The following ZSWIM6 variants were observed in gnomAD, a reference collection of about 807,000 sequenced individuals.
ZSWIM6 encodes zinc finger SWIM domain-containing protein 6.
ZSWIM6 carries 9 observed loss-of-function variants against 113.2 expected under a neutral mutation model. The ratio of observed to expected loss-of-function variants is 0.08; its 90% CI spans 0.05 to 0.14. The LOEUF is 0.14. Ranked by LOEUF, ZSWIM6 falls within the 10% of genes least tolerant of loss-of-function variation. The probability of loss-of-function intolerance (pLI) is 1.00; values close to 1 mark genes in which losing one functional copy is unlikely to be tolerated. For synonymous variants in ZSWIM6, 611 were observed against 606.5 expected, an observed-to-expected ratio of 1.01 and a Z score of -0.11; for missense variants, 1,162 against 1,552.2, an observed-to-expected ratio of 0.75 and a Z score of 4.22.
intron 2 of ZSWIM6, among the ~76,000 whole-genome samples, chr5:61,474,129 T>G (rs1413028460): frequency 1.3e-5 from 2 of 152,250 alleles, no homozygotes; most frequent in Non-Finnish European, 2.9e-5. Flanking sequence ...TGGTAACCAC[T>G]GCCTAGTTTT....
At chr5:61,491,635 A>G (rs571404591) in intron 3 of ZSWIM6, among the ~76,000 whole-genome samples, 3 of 152,212 alleles carry the variant, frequency 2.0e-5, no homozygotes, top group South Asian at 4.1e-4. Flanking sequence ...TTTCAGTACC[A>G]TACACACATT....
At chr5:61,386,401 C>T (rs1413696467) in intron 1 of ZSWIM6, among the ~76,000 whole-genome samples, 2 of 152,160 alleles carry the variant, frequency 1.3e-5, no homozygotes, top group African/African-American at 2.4e-5. Flanking sequence ...GATTGCAAAG[C>T]TTTTTGGAGC....
chr5:61,487,291 A>G (rs574689272), intron 2 of ZSWIM6, among the ~76,000 whole-genome samples: 2 of 152,098 alleles, frequency 1.3e-5, no homozygotes, highest in African/African-American at 4.8e-5. Flanking sequence ...TTTGGTTACT[A>G]TAGGCTTGTA....
At chr5:61,524,182 C>T (rs142207007) in intron 5 of ZSWIM6, among the ~76,000 whole-genome samples, 3 of 152,310 alleles carry the variant, frequency 2.0e-5, no homozygotes, top group East Asian at 3.9e-4. Context: ...TGAGAGGTCA[C>T]GGAACCAATT....
chr5:61,528,641 G>A (rs530299969), intron 7 of ZSWIM6, among the ~76,000 whole-genome samples: 6 of 150,854 alleles, frequency 4.0e-5, no homozygotes, highest in South Asian at 2.1e-4. Flanking sequence ...AGGCTGGAGT[G>A]CAGTGGCGCA....
intron 1 of ZSWIM6, among the ~76,000 whole-genome samples, chr5:61,456,995 G>C (rs957080714): frequency 2.7e-5 from 4 of 150,806 alleles, no homozygotes; most frequent in African/African-American, 7.3e-5. Context: ...ATGCTGGTGC[G>C]CTGCACCCAC....
chr5:61,541,190 G>A lies in ZSWIM6; in HGVS notation c.2704-694G>A, dbSNP rs538626227. 5.3e-5 allele frequency among the ~76,000 whole-genome samples: 8 copies of A among 152,024 alleles called. 1 individual carries two copies. Among genetic ancestry groups the A allele is most frequent in the African/African-American group, 1.2e-4 (5 of 41,490 alleles). On this transcript the variant is annotated intron_variant, in intron 12 of 13. Coordinates refer to ENST00000252744, the MANE Select transcript of ZSWIM6 (RefSeq NM_020928.2). ...AACTCCTGACCTCGTGATCCATTCC[G>A]CCTCAGCCTCCCAAATTGCCAGGAT...
At position 61,541,868 on chromosome 5, in the gene ZSWIM6, T is replaced by C; in HGVS notation, c.2704-16T>C. On this transcript the variant is annotated splice_polypyrimidine_tract_variant and intron_variant, in intron 12 of 13. Transcript: ENST00000252744. ...AGGATAATTTTCTAAAACATTTTGT[T>C]ACCCTGTTTTTATAGGTTATGCGAA... The C allele has an allele frequency of 6.5e-7, 1 of 1,546,648 alleles. No individual in the cohort carries two copies. Among genetic ancestry groups the C allele is most frequent in the East Asian group, 2.4e-5 (1 of 40,854 alleles).
At chr5:61,346,543 G>A (rs1040324844) in intron 1 of ZSWIM6, among the ~76,000 whole-genome samples, 3 of 152,184 alleles carry the variant, frequency 2.0e-5, no homozygotes, top group African/African-American at 7.2e-5. Flanking sequence ...TAGTGGGTAA[G>A]AGACTACCTT....
At chr5:61,373,499 T>C (rs1228495208) in intron 1 of ZSWIM6, among the ~76,000 whole-genome samples, 1 of 151,640 alleles carries the variant, frequency 6.6e-6, no homozygotes, top group Non-Finnish European at 1.5e-5. Flanking sequence ...AAATGAATCC[T>C]TTCTTCATCA....
chr5:61,512,585 G>T (rs1372657698), intron 4 of ZSWIM6, among the ~76,000 whole-genome samples: 3 of 152,126 alleles, frequency 2.0e-5, no homozygotes, highest in African/African-American at 7.2e-5. Context: ...TCTTCAAACA[G>T]CAATTTATGA....
At chr5:61,475,241 A>G (rs1279533478) in intron 2 of ZSWIM6, among the ~76,000 whole-genome samples, 4 of 152,142 alleles carry the variant, frequency 2.6e-5, no homozygotes, top group African/African-American at 9.7e-5. Context: ...ATCTGCTAGC[A>G]TCACTTTGTT....
At chr5:61,425,909 G>C (rs748238889) in intron 1 of ZSWIM6, among the ~76,000 whole-genome samples, 4 of 152,178 alleles carry the variant, frequency 2.6e-5, no homozygotes, top group Non-Finnish European at 5.9e-5. Context: ...AACTTCGAAC[G>C]TTATGTTCAT....
chr5:61,525,075 ATACAC>A, intron 5 of ZSWIM6, among the ~76,000 whole-genome samples: 1 of 152,280 alleles, frequency 6.6e-6, no homozygotes, highest in Admixed American at 6.5e-5. Context: ...ATGCCCTGGC[ATACAC>A]TATGCTGGGG....
At chr5:61,505,079 G>A (rs1334070767) in intron 4 of ZSWIM6, among the ~76,000 whole-genome samples, 1 of 152,154 alleles carries the variant, frequency 6.6e-6, no homozygotes, top group Non-Finnish European at 1.5e-5. Context: ...TGTCAGTTGA[G>A]TCTTCTGGAA....
chr5:61,424,875 C>A (rs1746433533), intron 1 of ZSWIM6, among the ~76,000 whole-genome samples: 2 of 151,792 alleles, frequency 1.3e-5, no homozygotes, highest in African/African-American at 4.8e-5. Context: ...TTACAGGCGC[C>A]CGCCACCACG....
Position 61,468,172 on chromosome 5 carries a change from A to G in ZSWIM6, c.677-4509A>G, listed in dbSNP as rs78393020. 1.3e-3 allele frequency among the ~76,000 whole-genome samples: 192 copies of G among 152,346 alleles called. 5 individuals are homozygous for G. In the East Asian group the frequency reaches 0.033, roughly 26 times the overall value. ...AAGATTCAGAGAGGTTAAATATTTA[A>G]TATAAGATATGTAGCATTTAAGTGG... On this transcript the variant is annotated intron_variant, in intron 1 of 13. Transcript: ENST00000252744.
At chr5:61,497,994 C>G (rs1025111806) in intron 4 of ZSWIM6, among the ~76,000 whole-genome samples, 3 of 152,072 alleles carry the variant, frequency 2.0e-5, no homozygotes, top group African/African-American at 7.2e-5. Context: ...CACTTAATTA[C>G]TGTGGGGGTC....
At chr5:61,494,118 T>A in intron 3 of ZSWIM6, 142 bp from the exon 4 acceptor site, 1 of 882,290 alleles carries the variant, frequency 1.1e-6, no homozygotes, top group Non-Finnish European at 1.7e-6. Context: ...CCGCCTATCC[T>A]CCACCACACA....
Sources: gnomAD v4.1 joint callset for allele counts (sites outside exome capture counted in the v4.1 genomes callset) on GRCh38, gnomAD v4.1.1 for gene constraint, MANE v1.5 for transcripts, NCBI Gene and HGNC (gene_info 2026-07-23, HGNC 2026-07-21) for gene names.